The following CALN1 variants were observed in gnomAD, a reference collection of about 807,000 sequenced individuals.
The protein encoded by CALN1 is calcium-binding protein 8.
In CALN1, 17 loss-of-function variants were observed where a neutral mutation model predicts 30.6. That is an observed-to-expected ratio of 0.56 (90% CI 0.38 to 0.83). The LOEUF (loss-of-function observed/expected upper bound fraction) is 0.83, where lower values mean the gene tolerates loss of function less well. CALN1 is among the 40% of genes least tolerant of loss of function. The pLI, the probability that CALN1 is intolerant of heterozygous loss-of-function variation, is 0.00. For missense variants in CALN1, 291 were observed against 354.9 expected, an observed-to-expected ratio of 0.82 and a Z score of 1.45; for synonymous variants, 156 against 131.4, an observed-to-expected ratio of 1.19 and a Z score of -1.28.
intron 3 of CALN1, among the ~76,000 whole-genome samples, chr7:72,267,521 G>A (rs1292640799): frequency 6.6e-6 from 1 of 152,208 alleles, no homozygotes; most frequent in Non-Finnish European, 1.5e-5. Flanking sequence ...ATGTGATGGT[G>A]ACATGACGGG....
intron 2 of CALN1, among the ~76,000 whole-genome samples, chr7:72,302,829 C>T (rs998978640): frequency 3.2e-5 from 4 of 124,736 alleles, no homozygotes; most frequent in Non-Finnish European, 4.8e-5. Flanking sequence ...CAGGAGGCGG[C>T]GGATGTTGCA....
At chr7:71,803,107 G>C (rs1174901947) in intron 6 of CALN1, among the ~76,000 whole-genome samples, 1 of 152,140 alleles carries the variant, frequency 6.6e-6, no homozygotes, top group Non-Finnish European at 1.5e-5. Context: ...GAGAGACTGG[G>C]AGTGCCTGAA....
At chr7:71,952,590 C>T (rs146979593) in intron 5 of CALN1, among the ~76,000 whole-genome samples, 3 of 152,240 alleles carry the variant, frequency 2.0e-5, no homozygotes, top group South Asian at 2.1e-4. Flanking sequence ...GCATCACTTC[C>T]GTGACCCAAG....
At chr7:72,228,610 C>A (rs1409659136) in intron 3 of CALN1, among the ~76,000 whole-genome samples, 1 of 151,796 alleles carries the variant, frequency 6.6e-6, no homozygotes, top group African/African-American at 2.4e-5. Flanking sequence ...TATCTGTAAA[C>A]TGGAACAACA....
chr7:72,027,565 G>T (rs538803199), intron 4 of CALN1, among the ~76,000 whole-genome samples: 2 of 151,826 alleles, frequency 1.3e-5, no homozygotes, highest in African/African-American at 4.8e-5. Flanking sequence ...ACAAAAATTA[G>T]CCAGGTGTGG....
chr7:72,290,941 G>C lies in CALN1; in HGVS notation c.120-12131C>G, dbSNP rs561901296. ...CCTTTTAACCATTTTTTTTTTTTTTGAGACAGAGATCTCACTCTGTCATCC... is the reference window on the plus strand; with the variant it reads ...CCTTTTAACCATTTTTTTTTTTTTTCAGACAGAGATCTCACTCTGTCATCC... On this transcript the variant is annotated intron_variant, in intron 2 of 6. Transcript: ENST00000395275. Among the ~76,000 whole-genome samples the C allele has an allele frequency of 3.2e-5, 3 of 94,172 alleles. No individual in the cohort carries two copies. In the East Asian group the frequency reaches 1.2e-3, roughly 36 times the overall value. 61.8% of individuals were successfully genotyped at this position (94,172 alleles called of 152,430 possible).
intron 2 of CALN1, among the ~76,000 whole-genome samples, chr7:72,345,168 T>A (rs1254326144): frequency 2.0e-5 from 3 of 149,880 alleles, no homozygotes; most frequent in Non-Finnish European, 4.4e-5. Context: ...GAAAAGAACA[T>A]CTTACAGATC....
At chr7:72,450,763 C>T (rs186640792), upstream of CALN1, among the ~76,000 whole-genome samples, 21 of 152,172 alleles carry the variant, frequency 1.4e-4, no homozygotes, top group African/African-American at 4.6e-4. Context: ...GCCTGTAATC[C>T]CAGCTACTCG....
intron 3 of CALN1, among the ~76,000 whole-genome samples, chr7:72,255,386 C>G (rs1562800725): frequency 4.6e-5 from 6 of 130,266 alleles, no homozygotes; most frequent in South Asian, 2.7e-4. Context: ...CCACACCCAG[C>G]CTTTTTTCTT....
chr7:71,804,154 C>T (rs1787470400), intron 6 of CALN1, among the ~76,000 whole-genome samples: 1 of 152,116 alleles, frequency 6.6e-6, no homozygotes, highest in Admixed American at 6.6e-5. Flanking sequence ...TGAAGACCAT[C>T]TGAACACCTC....
chr7:71,792,637 T>C (rs1284612944), intron 6 of CALN1, among the ~76,000 whole-genome samples: 1 of 152,066 alleles, frequency 6.6e-6, no homozygotes. Flanking sequence ...GGAGGTGGCA[T>C]TTAAGAAGGA....
intron 2 of CALN1, chr7:72,336,928 C>G: frequency 1.0e-6 from 1 of 985,046 alleles, no homozygotes; most frequent in Non-Finnish European, 1.2e-6. Context: ...CACGCGCGCG[C>G]CGGGACCTGC....
chr7:72,463,416 T>G, the CALN1 span, among the ~76,000 whole-genome samples: 2 of 152,182 alleles, frequency 1.3e-5, no homozygotes, highest in Non-Finnish European at 2.9e-5. Flanking sequence ...GTGTTGGGAT[T>G]ATAAGCATCA....
At chr7:72,084,882 T>C (rs1179016172) in intron 4 of CALN1, among the ~76,000 whole-genome samples, 1 of 152,294 alleles carries the variant, frequency 6.6e-6, no homozygotes, top group East Asian at 1.9e-4. Flanking sequence ...AAACAATTCA[T>C]AAGTCTTCAA....
intron 5 of CALN1, among the ~76,000 whole-genome samples, chr7:71,997,789 TA>T: frequency 6.6e-6 from 1 of 152,208 alleles, no homozygotes; most frequent in East Asian, 1.9e-4. Flanking sequence ...TTGTGAAAAA[TA>T]AAAATAATTT....
At chr7:72,163,553 G>A (rs1788293699) in intron 3 of CALN1, among the ~76,000 whole-genome samples, 1 of 152,098 alleles carries the variant, frequency 6.6e-6, no homozygotes, top group Non-Finnish European at 1.5e-5. Flanking sequence ...GTCCTAATAG[G>A]TGACTAGATG....
chr7:72,165,638 G>A (rs1382953744), intron 3 of CALN1, among the ~76,000 whole-genome samples: 2 of 152,010 alleles, frequency 1.3e-5, no homozygotes, highest in African/African-American at 4.8e-5. Context: ...GCGAAAATGG[G>A]AAGGGAAAAG....
intron 3 of CALN1, among the ~76,000 whole-genome samples, chr7:72,111,074 G>C (rs1381269894): frequency 1.8e-4 from 28 of 152,162 alleles, no homozygotes; most frequent in Non-Finnish European, 5.9e-5. Context: ...GTGCGCCAGG[G>C]CTACGTGAGC....
At chr7:72,285,133 A>G (rs1011356760) in intron 2 of CALN1, among the ~76,000 whole-genome samples, 2 of 152,222 alleles carry the variant, frequency 1.3e-5, no homozygotes, top group Non-Finnish European at 2.9e-5. Flanking sequence ...AAGCATTGAA[A>G]TAGCAATTTA....
Sources: gnomAD v4.1 joint callset for allele counts (sites outside exome capture counted in the v4.1 genomes callset) on GRCh38, gnomAD v4.1.1 for gene constraint, MANE v1.5 for transcripts, NCBI Gene and HGNC (gene_info 2026-07-23, HGNC 2026-07-21) for gene names.